Variants in FKTN observed in about 807,000 individuals in gnomAD.
FKTN encodes the protein fukutin, also known as ribitol-5-phosphate transferase FKTN.
A neutral mutation model predicts 58.6 loss-of-function variants in FKTN; 47 were observed. The observed-to-expected ratio is 0.80, with a 90% CI of 0.63 to 1.02. The LOEUF (loss-of-function observed/expected upper bound fraction) is 1.02. FKTN is among the 50% of genes least tolerant of loss of function. The probability of loss-of-function intolerance (pLI) is 0.00; values close to 1 mark genes in which losing one functional copy is unlikely to be tolerated. For missense variants in FKTN, 516 were observed against 537.3 expected (o/e 0.96, Z 0.39); for synonymous variants, 178 against 191.9 (o/e 0.93, Z 0.60).
Position 105,601,355 on chromosome 9 carries a change from G to C in FKTN, c.369+7G>C. The stretch of plus-strand genomic sequence containing the variant: ...TCACCTATGGAAGAATGAGGTAAGT[G>C]ACTTGCTTTCAGATAATGGAATGTG... On this transcript the variant is annotated splice_region_variant and intron_variant, in intron 5 of 10. Coordinates refer to ENST00000357998, the MANE Select transcript of FKTN (RefSeq NM_001079802.2). 2 of 1,573,882 alleles carry C rather than the reference G, an allele frequency of 1.3e-6. No individual in the cohort carries two copies. Among genetic ancestry groups the C allele is most frequent in the Non-Finnish European group, 1.7e-6 (2 of 1,148,664 alleles).
chr9:105,589,793 A>G lies in FKTN; in HGVS notation c.106-6805A>G, dbSNP rs535881872. ...CTGTTCAAAGGGAATGAGTATTTTG[A>G]TGTCTACAGTGAAGCATACTAGGTA... On this transcript the variant is annotated intron_variant, in intron 3 of 10. Coordinates refer to ENST00000357998, the MANE Select transcript of FKTN (RefSeq NM_001079802.2). Among the ~76,000 whole-genome samples, 4 of 152,270 alleles carry G rather than the reference A, an allele frequency of 2.6e-5. No homozygotes were observed. In the South Asian group the frequency reaches 8.3e-4, roughly 32 times the overall value.
chr9:105,581,917 G>A (rs1263535234), intron 3 of FKTN, among the ~76,000 whole-genome samples: 1 of 152,204 alleles, frequency 6.6e-6, no homozygotes, highest in Non-Finnish European at 1.5e-5. Flanking sequence ...TCGGGTGGGA[G>A]TGACCCGATT....
intron 1 of FKTN, among the ~76,000 whole-genome samples, chr9:105,562,170 G>A (rs969683494): frequency 6.6e-6 from 1 of 152,252 alleles, no homozygotes; most frequent in Non-Finnish European, 1.5e-5. Context: ...CACTGAGACT[G>A]TGCTACTGCA....
chr9:105,632,785 A>C lies in FKTN; in HGVS notation c.1173-2266A>C, dbSNP rs528616103. On this transcript the variant is annotated intron_variant, in intron 10 of 10. Coordinates refer to ENST00000357998, the MANE Select transcript of FKTN (RefSeq NM_001079802.2). ...GGAAGGATTTTTTTGTGGTAATAAT[A>C]TCTCTTAAACTTATATTCTGATTTA... is the stretch of plus-strand genomic sequence containing the variant. Among the ~76,000 whole-genome samples, 397 of 152,300 alleles carry C rather than the reference A, an allele frequency of 2.6e-3. 2 individuals carry two copies. Among genetic ancestry groups the C allele is most frequent in the African/African-American group, 9.2e-3 (382 of 41,582 alleles).
intron 3 of FKTN, among the ~76,000 whole-genome samples, chr9:105,582,358 T>TTA (rs1843146578): frequency 1.3e-5 from 2 of 152,140 alleles, no homozygotes; most frequent in Non-Finnish European, 2.9e-5. Context: ...CACGCCTGAC[T>TTA]AATTAAAAAA....
chr9:105,625,466 G>A (rs1232233196), intron 10 of FKTN, among the ~76,000 whole-genome samples: 1 of 152,148 alleles, frequency 6.6e-6, no homozygotes, highest in Non-Finnish European at 1.5e-5. Flanking sequence ...TCTCTCATAA[G>A]GCTTTTGGTG....
chr9:105,604,452 CG>C lies in FKTN; in HGVS notation c.608del (p.Arg203GlnfsTer37). On this transcript the variant is annotated frameshift_variant, in exon 6 of 11. Transcript: ENST00000357998. LOFTEE classifies it high-confidence loss of function. ...EHIDRKFVPF[R>X]KLQFGRYPGA... ...CATTGACAGGAAATTTGTTCCCTTC[CG>C]AAAGTTACAGTTTGGTCGTTATCCA... 6.2e-7 allele frequency: 1 copy of C among 1,614,000 alleles called. No individual in the cohort carries two copies. Among genetic ancestry groups the C allele is most frequent in the Non-Finnish European group, 8.5e-7 (1 of 1,179,954 alleles).
intron 1 of FKTN, among the ~76,000 whole-genome samples, chr9:105,561,087 A>T (rs1023109836): frequency 1.3e-5 from 2 of 148,884 alleles, no homozygotes; most frequent in African/African-American, 5.0e-5. Context: ...TCCGTCTCAA[A>T]AAACAAAAAA....
At chr9:105,597,013 G>C (rs1404365496) in intron 4 of FKTN, among the ~76,000 whole-genome samples, 1 of 152,066 alleles carries the variant, frequency 6.6e-6, no homozygotes, top group Non-Finnish European at 1.5e-5. Flanking sequence ...AGATTTATTT[G>C]AATAAGGGAA....
In FKTN at chr9:105,619,977, T is replaced by G. The variant is rs1362238936; in HGVS notation, c.1088T>G (p.Val363Gly). 6 of 1,612,764 alleles carry G rather than the reference T, an allele frequency of 3.7e-6. No homozygotes were observed. In the African/African-American group the frequency reaches 5.3e-5, roughly 14 times the overall value. The change falls in exon 10 of 11, where the codon GTA becomes GGA. Residue 363 changes from valine to glycine, a missense_variant. Coordinates refer to ENST00000357998, the MANE Select transcript of FKTN (RefSeq NM_001079802.2). ...LELSFQGKDD[V>G]KLDVFFFYEE... ...CTATCCTTCCAGGGAAAAGATGATG[T>G]AAAACTTGATGTTTTTTTCTTCTAT...
At chr9:105,580,928 T>C (rs1442473040) in intron 3 of FKTN, among the ~76,000 whole-genome samples, 1 of 99,430 alleles carries the variant, frequency 1.0e-5, no homozygotes, top group Non-Finnish European at 1.9e-5. Flanking sequence ...CATCTTCCAT[T>C]GCTGATACCC....
chr9:105,589,261 G>T (rs1844430146), intron 3 of FKTN, among the ~76,000 whole-genome samples: 1 of 152,146 alleles, frequency 6.6e-6, no homozygotes, highest in African/African-American at 2.4e-5. Context: ...ATTTTTGGAG[G>T]CCGAGGTGGG....
chr9:105,608,774 C>G (rs547513492), intron 7 of FKTN, among the ~76,000 whole-genome samples: 15 of 152,328 alleles, frequency 9.8e-5, no homozygotes, highest in African/African-American at 3.4e-4. Flanking sequence ...CCCAAGTGGG[C>G]CTTCGTAGCC....
chr9:105,627,847 G>C (rs1280266016), intron 10 of FKTN, among the ~76,000 whole-genome samples: 1 of 152,074 alleles, frequency 6.6e-6, no homozygotes. Flanking sequence ...TACATGTTTG[G>C]CTAAGTGAGA....
intron 3 of FKTN, among the ~76,000 whole-genome samples, chr9:105,592,017 C>G (rs1844973269): frequency 6.6e-6 from 1 of 152,260 alleles, no homozygotes; most frequent in African/African-American, 2.4e-5. Context: ...CTCAGGGTGG[C>G]AGGCACTGGG....
intron 9 of FKTN, among the ~76,000 whole-genome samples, chr9:105,618,964 CAGG>C (rs1831337853): frequency 6.6e-6 from 1 of 151,474 alleles, no homozygotes; most frequent in South Asian, 2.1e-4. Flanking sequence ...GAGGCTGAGG[CAGG>C]AGAATGGCGT....
intron 3 of FKTN, among the ~76,000 whole-genome samples, chr9:105,587,864 G>A (rs1240710522): frequency 2.0e-5 from 3 of 152,224 alleles, no homozygotes; most frequent in East Asian, 3.9e-4. Context: ...GAACTGCAGT[G>A]GCTTGGGAGT....
chr9:105,617,749 A>C (rs1831081001), intron 8 of FKTN, among the ~76,000 whole-genome samples: 1 of 152,106 alleles, frequency 6.6e-6, no homozygotes, highest in Admixed American at 6.5e-5. Context: ...AATCCTGTGA[A>C]ATAAAATCCA....
rs188894953 is a variant in FKTN, at chr9:105,562,445, A to C, written c.-181+4280A>C. ...CACTAGTTCACCTCTAGGTAGTGTC[A>C]GTTGGTCCAGAATGCAAAGGTCTGA... is the stretch of plus-strand genomic sequence containing the variant. On this transcript the variant is annotated intron_variant, in intron 1 of 10. Transcript: ENST00000357998. Among the ~76,000 whole-genome samples the C allele has an allele frequency of 3.3e-3, 506 of 152,326 alleles. 2 individuals carry two copies. The highest frequency in any genetic ancestry group is 5.8e-3 in the Non-Finnish European group (395 of 68,030).
Sources: allele counts gnomAD v4.1 joint callset (sites outside exome capture counted in the v4.1 genomes callset), GRCh38; gene constraint gnomAD v4.1.1; transcripts MANE v1.5; gene names NCBI Gene and HGNC (gene_info 2026-07-23, HGNC 2026-07-21).